Variants in HDAC4 observed in about 807,000 individuals in gnomAD.
The protein encoded by HDAC4 is histone deacetylase 4, also known as histone deacetylase A.
Under a neutral mutation model 135.1 loss-of-function variants are expected in HDAC4, and 16 were observed. The observed-to-expected ratio is 0.12, with a 90% CI of 0.08 to 0.18. HDAC4 has a LOEUF of 0.18. HDAC4 is among the 10% of genes least tolerant of loss of function. HDAC4 has a pLI of 1.00. For missense variants in HDAC4, 1,143 were observed against 1,511.8 expected (o/e 0.76, Z 4.05); for synonymous variants, 685 against 653.4 (o/e 1.05, Z -0.74).
chr2:239,298,532 G>C (rs2125590861), intron 2 of HDAC4: 1 of 1,028,344 alleles, frequency 9.7e-7, no homozygotes, highest in Non-Finnish European at 1.2e-6. Flanking sequence ...TCCTCATTTA[G>C]TCATCATAGC....
chr2:239,399,574 T>A (rs1388517293), intron 1 of HDAC4, among the ~76,000 whole-genome samples: 1 of 152,176 alleles, frequency 6.6e-6, no homozygotes, highest in Non-Finnish European at 1.5e-5. Flanking sequence ...CAGGTCAAGG[T>A]GCAAACCTGC....
chr2:239,303,530 G>A lies in HDAC4; in HGVS notation c.22+49148C>T, dbSNP rs766089264. Among the ~76,000 whole-genome samples, 2 of 152,040 alleles carry A rather than the reference G, an allele frequency of 1.3e-5. No individual in the cohort carries two copies. Among genetic ancestry groups the A allele is most frequent in the Non-Finnish European group, 2.9e-5 (2 of 68,010 alleles). On this transcript the variant is annotated intron_variant, in intron 2 of 26. Transcript: ENST00000543185. This position sits in a 1 kb window ranked among gnomAD's most constrained non-coding sequence, Gnocchi z 5.1. The stretch of plus-strand genomic sequence containing the variant: ...CGCTCCTTTCTCGGGACAGCCTGTG[G>A]CTTGTTCTCCCTTAAGAATCCTCTC...
chr2:239,157,596 G>A (rs1377455892), intron 6 of HDAC4, among the ~76,000 whole-genome samples: 1 of 152,232 alleles, frequency 6.6e-6, no homozygotes, highest in African/African-American at 2.4e-5. Context: ...GGCACTGACA[G>A]CTCAGTCTTG....
chr2:239,134,862 GTTC>G (rs1202319680), intron 9 of HDAC4, among the ~76,000 whole-genome samples: 4 of 152,208 alleles, frequency 2.6e-5, no homozygotes, highest in Non-Finnish European at 4.4e-5. Flanking sequence ...CCCGATACGA[GTTC>G]TTCTTCTGTC....
At chr2:239,070,263 G>A (rs959890538) in intron 22 of HDAC4, among the ~76,000 whole-genome samples, 32 of 152,188 alleles carry the variant, frequency 2.1e-4, no homozygotes, top group African/African-American at 7.0e-4. Context: ...TACAACACAA[G>A]ACACTTAAGA....
At chr2:239,332,330 G>A (rs1287583160) in intron 2 of HDAC4, among the ~76,000 whole-genome samples, 1 of 152,112 alleles carries the variant, frequency 6.6e-6, no homozygotes, top group Non-Finnish European at 1.5e-5. Flanking sequence ...TGACAAAACT[G>A]ACCATATAAT....
Position 239,141,636 on chromosome 2 carries a change from G to A in HDAC4, c.866-1840C>T, listed in dbSNP as rs779245827. 9.9e-5 allele frequency among the ~76,000 whole-genome samples: 15 copies of A among 152,108 alleles called. No homozygotes were observed. Among genetic ancestry groups the A allele is most frequent in the Non-Finnish European group, 1.5e-4 (10 of 68,004 alleles). Reference sequence around the variant, plus strand: ...ATCTCTGCCCCACCTGCAGCCCACCGTAGCCCACCCTAGACCCCTGCTCTC... The same window carrying A: ...ATCTCTGCCCCACCTGCAGCCCACCATAGCCCACCCTAGACCCCTGCTCTC... On this transcript the variant is annotated intron_variant, in intron 8 of 26. Transcript: ENST00000543185. The surrounding 1 kb of genome is among the most constrained non-coding windows in gnomAD (Gnocchi z 4.9).
intron 5 of HDAC4, among the ~76,000 whole-genome samples, chr2:239,168,315 T>C (rs1269002884): frequency 6.6e-6 from 1 of 152,202 alleles, no homozygotes; most frequent in East Asian, 1.9e-4. Flanking sequence ...AGCCTGCCCC[T>C]GCTCCTTCCC....
At chr2:239,360,609 G>GA (rs1294403921) in intron 1 of HDAC4, among the ~76,000 whole-genome samples, 2 of 152,182 alleles carry the variant, frequency 1.3e-5, no homozygotes, top group Non-Finnish European at 2.9e-5. Flanking sequence ...CTCTGGCTTG[G>GA]AAAAAAGTAC....
At chr2:239,122,026 G>C (rs1007143609) in intron 12 of HDAC4, among the ~76,000 whole-genome samples, 2 of 152,216 alleles carry the variant, frequency 1.3e-5, no homozygotes, top group African/African-American at 4.8e-5. Context: ...AAGAACAAAT[G>C]CACCTCCATA....
At chr2:239,163,336 CACA>C (rs780707657) in intron 6 of HDAC4, among the ~76,000 whole-genome samples, 4 of 152,310 alleles carry the variant, frequency 2.6e-5, no homozygotes, top group Non-Finnish European at 4.4e-5. Flanking sequence ...TGAAAAATGG[CACA>C]ACATTACCAA....
chr2:239,129,584 CCAGTG>C (rs2040428378), intron 11 of HDAC4, among the ~76,000 whole-genome samples: 1 of 152,134 alleles, frequency 6.6e-6, no homozygotes, highest in African/African-American at 2.4e-5. Flanking sequence ...TTCCCTGTGC[CCAGTG>C]CAAGGGCAAC....
At chr2:239,207,069 C>T (rs1226717217) in intron 3 of HDAC4, among the ~76,000 whole-genome samples, 1 of 151,950 alleles carries the variant, frequency 6.6e-6, no homozygotes, top group Non-Finnish European at 1.5e-5. Context: ...CGCCCCAGGG[C>T]TCACTCCACC....
intron 1 of HDAC4, among the ~76,000 whole-genome samples, chr2:239,377,120 C>T (rs576942023): frequency 9.9e-5 from 15 of 152,148 alleles, no homozygotes; most frequent in South Asian, 2.1e-4. Context: ...TGCTGTCCTC[C>T]CAAAGCCGGG....
chr2:239,059,228 A>G (rs919230370), intron 24 of HDAC4, among the ~76,000 whole-genome samples: 2 of 152,258 alleles, frequency 1.3e-5, no homozygotes, highest in Non-Finnish European at 2.9e-5. Context: ...CTAACTGCAC[A>G]CATCAGGAAA....
chr2:239,125,203 A>G (rs1454397841), intron 12 of HDAC4, among the ~76,000 whole-genome samples: 1 of 152,208 alleles, frequency 6.6e-6, no homozygotes, highest in Admixed American at 6.5e-5. Flanking sequence ...TGGCTGGATC[A>G]TGTGGGTGGA....
chr2:239,346,822 C>T (rs1224879378), intron 2 of HDAC4, among the ~76,000 whole-genome samples: 2 of 146,706 alleles, frequency 1.4e-5, no homozygotes, highest in African/African-American at 2.5e-5. Flanking sequence ...AAAACACACA[C>T]ACACCACCTA....
chr2:239,190,178 G>GC lies in HDAC4; in HGVS notation c.95-102_95-101insG, dbSNP rs1016600117. On this transcript the variant is annotated intron_variant, in intron 3 of 26. Coordinates refer to ENST00000543185, the MANE Select transcript of HDAC4 (RefSeq NM_001378414.1). ...ACACTGGCCACCTTCACGGGGCGGG[G>GC]GGGGGGTTGTGACCATTTGAGGATT... is the stretch of plus-strand genomic sequence containing the variant. The GC allele has an allele frequency of 1.2e-4, 173 of 1,438,362 alleles. 4 individuals are homozygous for GC. The African/African-American group carries it at 2.4e-3, about 20-fold the overall frequency. 89.1% of individuals were successfully genotyped at this position (1,438,362 alleles called of 1,614,324 possible).
intron 1 of HDAC4, among the ~76,000 whole-genome samples, chr2:239,370,241 G>C (rs1250047100): frequency 6.6e-6 from 1 of 152,198 alleles, no homozygotes; most frequent in Non-Finnish European, 1.5e-5. Context: ...TCAGAGAGTG[G>C]TGCTAGAGGT....
Sources: gnomAD v4.1 joint callset for allele counts (sites outside exome capture counted in the v4.1 genomes callset) on GRCh38, gnomAD v4.1.1 for gene constraint, Gnocchi (gnomAD v3.1) non-coding constraint, MANE v1.5 for transcripts, NCBI Gene and HGNC (gene_info 2026-07-23, HGNC 2026-07-21) for gene names.